The following GUCA1C variants were observed in gnomAD, a reference collection of about 807,000 sequenced individuals.
GUCA1C encodes guanylyl cyclase-activating protein 3.
A neutral mutation model predicts 16.2 loss-of-function variants in GUCA1C; 15 were observed. The ratio of observed to expected loss-of-function variants is 0.93; its 90% confidence interval spans 0.62 to 1.43. GUCA1C has a LOEUF of 1.43. GUCA1C is among the 40% of genes most tolerant of loss of function. GUCA1C has a pLI of 0.00. For synonymous variants in GUCA1C, 78 were observed against 85.4 expected, an observed-to-expected ratio of 0.91 and a Z score of 0.48; for missense variants, 275 against 244.8, an observed-to-expected ratio of 1.12 and a Z score of -0.82.
chr3:108,916,475 A>G (rs1423224592), intron 2 of GUCA1C, among the ~76,000 whole-genome samples: 1 of 152,244 alleles, frequency 6.6e-6, no homozygotes, highest in African/African-American at 2.4e-5. Context: ...AGATCACAAC[A>G]GATGCAATGA....
At chr3:108,917,586 C>T (rs1214563014) in intron 2 of GUCA1C, among the ~76,000 whole-genome samples, 2 of 151,902 alleles carry the variant, frequency 1.3e-5, no homozygotes, top group Non-Finnish European at 2.9e-5. Flanking sequence ...AGCAGGAGGA[C>T]GCAGGAGAGA....
chr3:108,948,615 G>A (rs966968050), intron 1 of GUCA1C, among the ~76,000 whole-genome samples: 5 of 152,064 alleles, frequency 3.3e-5, no homozygotes, highest in Non-Finnish European at 5.9e-5. Context: ...GATTTGGCTC[G>A]ATAATTTCCT....
At chr3:108,917,401 T>C (rs546023932) in intron 2 of GUCA1C, among the ~76,000 whole-genome samples, 57 of 152,302 alleles carry the variant, frequency 3.7e-4, no homozygotes, top group African/African-American at 1.3e-3. Flanking sequence ...GGATAATATT[T>C]TTGGAGGGAG....
At chr3:108,915,897 A>T in intron 3 of GUCA1C, 1 of 539,896 alleles carries the variant, frequency 1.9e-6, no homozygotes, top group East Asian at 2.9e-5. Context: ...TCTCACCTTT[A>T]CTCTTTATAT....
At chr3:108,932,941 AAAG>A (rs1553735271) in intron 1 of GUCA1C, among the ~76,000 whole-genome samples, 52 of 149,314 alleles carry the variant, frequency 3.5e-4, no homozygotes, top group African/African-American at 1.0e-3. Context: ...AAAAAAAAAA[AAAG>A]AAGAAGTCCA....
In GUCA1C at chr3:108,953,449, C is replaced by T. The variant is rs931835146; in HGVS notation, c.204+110G>A. 6.2e-5 allele frequency: 43 copies of T among 693,918 alleles called. 1 individual carries two copies. The South Asian group carries it at 7.6e-4, about 12-fold the overall frequency. The allele number at this position is 693,918 out of a possible 1,614,324, so 43.0% of individuals were successfully genotyped here. On this transcript the variant is annotated intron_variant, in intron 1 of 3. Transcript: ENST00000261047. ...TGAGTTGCCTGAAGACCTCTCCATT[C>T]AGTGGGATGTACACATTTTACTTAA... is the stretch of plus-strand genomic sequence containing the variant.
At chr3:108,937,635 G>A (rs1946738924) in intron 1 of GUCA1C, among the ~76,000 whole-genome samples, 1 of 152,220 alleles carries the variant, frequency 6.6e-6, no homozygotes, top group African/African-American at 2.4e-5. Flanking sequence ...AATTACTGGT[G>A]TTGATGTAAT....
intron 1 of GUCA1C, among the ~76,000 whole-genome samples, chr3:108,927,648 T>C (rs1946634531): frequency 6.6e-6 from 1 of 152,180 alleles, no homozygotes; most frequent in African/African-American, 2.4e-5. Flanking sequence ...TTTCATATCC[T>C]GTATCTTTAA....
intron 1 of GUCA1C, among the ~76,000 whole-genome samples, chr3:108,931,748 A>G (rs935768844): frequency 5.9e-5 from 9 of 152,094 alleles, no homozygotes; most frequent in African/African-American, 2.2e-4. Flanking sequence ...AGAGGGGGAT[A>G]ATTATCACTG....
At chr3:108,913,965 T>C (rs541995327) in intron 3 of GUCA1C, among the ~76,000 whole-genome samples, 516 of 151,832 alleles carry the variant, frequency 3.4e-3, no homozygotes, top group Non-Finnish European at 4.5e-3. Context: ...ACTTGGGAGA[T>C]TGAGGCAGAA....
At chr3:108,918,157 T>C (rs1946536420) in intron 2 of GUCA1C, among the ~76,000 whole-genome samples, 1 of 152,208 alleles carries the variant, frequency 6.6e-6, no homozygotes. Context: ...GCATCCCTGG[T>C]CTCTGAGCAA....
At chr3:108,925,867 A>G (rs1946618849) in intron 1 of GUCA1C, among the ~76,000 whole-genome samples, 1 of 152,100 alleles carries the variant, frequency 6.6e-6, no homozygotes, top group African/African-American at 2.4e-5. Context: ...CAGGTGGATC[A>G]CCTGAGATCA....
Position 108,953,689 on chromosome 3 carries a change from G to A in GUCA1C, c.74C>T (p.Thr25Ile). 1 of 1,612,790 alleles carries A rather than the reference G, an allele frequency of 6.2e-7. No individual in the cohort carries two copies. The highest frequency in any genetic ancestry group is 8.5e-7 in the Non-Finnish European group (1 of 1,178,780). Residue 25 changes from threonine to isoleucine, a missense_variant, in exon 1 of 4, where the codon ACA becomes ATA. Physicochemically the swap from Thr to Ile is moderately conservative, Grantham distance 89. Transcript: ENST00000261047. ...GCCGGATGGATATTCCATCATAAAT[G>A]TTCTGTACCACACATGGGTCTCTTG... ...PTQETHVWYR[T>I]FMMEYPSGLQ...
At chr3:108,930,517 T>C (rs1371275962) in intron 1 of GUCA1C, among the ~76,000 whole-genome samples, 2 of 152,248 alleles carry the variant, frequency 1.3e-5, no homozygotes. Context: ...CACTGTAGCA[T>C]TGTTTTCTAA....
intron 3 of GUCA1C, among the ~76,000 whole-genome samples, chr3:108,910,364 G>A (rs1465907521): frequency 6.6e-6 from 1 of 152,020 alleles, no homozygotes; most frequent in East Asian, 2.0e-4. Context: ...CGAGCGTGGT[G>A]GAGGGCGCCT....
rs1431624533 is a variant in GUCA1C at position 108,951,607 on chromosome 3, T to C, written c.204+1952A>G. ...TGCATAATTGCACATCATTTCTTAG[T>C]ATCACTTGATAATGAACAATCCTTA... is the stretch of plus-strand genomic sequence containing the variant. On this transcript the variant is annotated intron_variant, in intron 1 of 3. Coordinates refer to ENST00000261047, the MANE Select transcript of GUCA1C (RefSeq NM_005459.4). Among the ~76,000 whole-genome samples the C allele has an allele frequency of 7.2e-5, 11 of 152,374 alleles. No individual in the cohort carries two copies. The East Asian group carries it at 2.1e-3, about 29-fold the overall frequency.
intron 2 of GUCA1C, among the ~76,000 whole-genome samples, chr3:108,919,002 C>G (rs1208766958): frequency 6.6e-6 from 1 of 152,054 alleles, no homozygotes; most frequent in African/African-American, 2.4e-5. Context: ...AACTCTAAAA[C>G]AAAGATCAGC....
intron 1 of GUCA1C, among the ~76,000 whole-genome samples, chr3:108,938,453 A>G (rs1006538551): frequency 3.3e-5 from 5 of 152,232 alleles, no homozygotes; most frequent in African/African-American, 1.2e-4. Context: ...CACATTACAC[A>G]ATTGATCAAT....
chr3:108,926,479 C>T (rs969554329), intron 1 of GUCA1C, among the ~76,000 whole-genome samples: 12 of 152,030 alleles, frequency 7.9e-5, no homozygotes, highest in Non-Finnish European at 1.6e-4. Flanking sequence ...TATTTGTTGC[C>T]TGAAGGTCTG....
Sources: gnomAD v4.1 joint callset for allele counts (sites outside exome capture counted in the v4.1 genomes callset) on GRCh38, gnomAD v4.1.1 for gene constraint, MANE v1.5 for transcripts, NCBI Gene and HGNC (gene_info 2026-07-23, HGNC 2026-07-21) for gene names.